SMAD3: variants seen among roughly 807,000 people sequenced by gnomAD.
SMAD3 encodes SMAD family member 3, also known as MAD homolog 3.
SMAD3 carries 12 observed loss-of-function variants against 51.8 expected under a neutral mutation model. The observed-to-expected ratio is 0.23, with a 90% CI of 0.15 to 0.38. SMAD3 has a LOEUF of 0.38. SMAD3 is among the 10% of genes least tolerant of loss of function. SMAD3 has a pLI of 1.00. For synonymous variants in SMAD3, 238 were observed against 227.7 expected, an observed-to-expected ratio of 1.05 and a Z score of -0.41; for missense variants, 294 against 565.6, an observed-to-expected ratio of 0.52 and a Z score of 4.87.
At chr15:67,125,070 C>T (rs1328571994) in intron 1 of SMAD3, among the ~76,000 whole-genome samples, 4 of 152,164 alleles carry the variant, frequency 2.6e-5, no homozygotes, top group Non-Finnish European at 4.4e-5. Flanking sequence ...CTGGGTGGGT[C>T]GGGGAAAGGG....
intron 1 of SMAD3, among the ~76,000 whole-genome samples, chr15:67,106,861 C>A (rs139903733): frequency 2.0e-5 from 3 of 152,262 alleles, no homozygotes; most frequent in Non-Finnish European, 4.4e-5. Context: ...CTAATTCACA[C>A]GAAGGTGTTA....
intron 1 of SMAD3, among the ~76,000 whole-genome samples, chr15:67,139,563 C>T (rs773942677): frequency 1.3e-5 from 2 of 152,114 alleles, no homozygotes; most frequent in African/African-American, 2.4e-5. Context: ...CCTGGTGGGT[C>T]CTGGGCTGAC....
chr15:67,148,918 G>T (rs7167532), intron 1 of SMAD3, among the ~76,000 whole-genome samples: 38,825 of 152,142 alleles, frequency 0.26, 5,118 homozygotes, highest in East Asian at 0.41. Flanking sequence ...GTTAAGCTAG[G>T]TTTCCTTTCC....
chr15:67,156,652 C>A (rs1379959790), intron 1 of SMAD3, among the ~76,000 whole-genome samples: 3 of 152,168 alleles, frequency 2.0e-5, no homozygotes, highest in Admixed American at 2.0e-4. Context: ...CGTAACAAAG[C>A]ACTCTAAAAA....
intron 1 of SMAD3, among the ~76,000 whole-genome samples, chr15:67,085,773 A>C (rs923064499): frequency 1.3e-5 from 2 of 152,078 alleles, no homozygotes; most frequent in Non-Finnish European, 2.9e-5. Context: ...CGGGATTGAG[A>C]ATCACAGCCA....
At chr15:67,170,766 C>A in intron 5 of SMAD3, 162 bp downstream of exon 5, 1 of 624,018 alleles carries the variant, frequency 1.6e-6, no homozygotes, top group Non-Finnish European at 2.8e-6. Context: ...TTGAGGTCAC[C>A]ACGGAATGGG....
At chr15:67,180,243 C>T (rs563599314) in intron 5 of SMAD3, among the ~76,000 whole-genome samples, 320 of 151,968 alleles carry the variant, frequency 2.1e-3, no homozygotes, top group Non-Finnish European at 3.6e-3. Context: ...TCCGAGGGCC[C>T]GGCCAAGGGC....
chr15:67,091,576 A>T (rs930963710), intron 1 of SMAD3, among the ~76,000 whole-genome samples: 1 of 152,206 alleles, frequency 6.6e-6, no homozygotes, highest in Non-Finnish European at 1.5e-5. Context: ...ATTCATTGTC[A>T]TGGATTCATA....
intron 3 of SMAD3, 141 bp from the exon 4 acceptor site, chr15:67,166,638 G>A: frequency 1.4e-6 from 1 of 711,276 alleles, no homozygotes; most frequent in Non-Finnish European, 2.6e-6. Context: ...ACCAAGAGCT[G>A]GAACCTCTAC....
intron 1 of SMAD3, among the ~76,000 whole-genome samples, chr15:67,154,448 G>A (rs1313903074): frequency 6.6e-6 from 1 of 152,138 alleles, no homozygotes; most frequent in Non-Finnish European, 1.5e-5. Context: ...AACTTGTTGG[G>A]AACACTCAGG....
chr15:67,130,318 T>C (rs886887074), intron 1 of SMAD3, among the ~76,000 whole-genome samples: 3 of 152,052 alleles, frequency 2.0e-5, no homozygotes, highest in African/African-American at 7.3e-5. Context: ...CTGACCTCCT[T>C]CTCTTACACC....
chr15:67,162,688 G>A (rs1299053721), intron 1 of SMAD3, among the ~76,000 whole-genome samples: 1 of 151,900 alleles, frequency 6.6e-6, no homozygotes, highest in Non-Finnish European at 1.5e-5. Flanking sequence ...CCTTCATTCT[G>A]TTCTTCCGAC....
intron 1 of SMAD3, among the ~76,000 whole-genome samples, chr15:67,101,160 C>T (rs1009454534): frequency 1.3e-5 from 2 of 152,116 alleles, no homozygotes; most frequent in African/African-American, 4.8e-5. Context: ...GGGCAGTTAG[C>T]GAAAGGGACT....
chr15:67,165,151 C>G (rs56204991), intron 2 of SMAD3, 63 bp downstream of exon 2: 2 of 1,599,946 alleles, frequency 1.3e-6, no homozygotes, highest in Non-Finnish European at 1.7e-6. Flanking sequence ...CTCCCCGGCT[C>G]CCCATCCCCC....
intron 1 of SMAD3, chr15:67,098,936 G>A (rs1960684629): frequency 1.4e-6 from 1 of 702,462 alleles, no homozygotes. Context: ...AGCCCATGGA[G>A]ATGGGACAGT....
intron 7 of SMAD3, among the ~76,000 whole-genome samples, chr15:67,185,440 G>T (rs1046463507): frequency 7.2e-5 from 11 of 152,142 alleles, no homozygotes; most frequent in Non-Finnish European, 1.6e-4. Context: ...TTCTAGACAG[G>T]GGGAGCAGCC....
chr15:67,129,232 A>T (rs1961464460), intron 1 of SMAD3, among the ~76,000 whole-genome samples: 1 of 152,228 alleles, frequency 6.6e-6, no homozygotes, highest in African/African-American at 2.4e-5. Flanking sequence ...ATTTCAGTCT[A>T]CTTGGGGAAA....
At chr15:67,073,733 GGC>G (rs1308726223) in intron 1 of SMAD3, among the ~76,000 whole-genome samples, 2 of 152,212 alleles carry the variant, frequency 1.3e-5, no homozygotes, top group Non-Finnish European at 2.9e-5. Context: ...AAAGTGCAAT[GGC>G]GCGGTCTTGC....
At chr15:67,128,520 C>G (rs1961445375) in intron 1 of SMAD3, among the ~76,000 whole-genome samples, 1 of 151,990 alleles carries the variant, frequency 6.6e-6, no homozygotes, top group African/African-American at 2.4e-5. Flanking sequence ...TTTCGAAAAC[C>G]TTAAGATTTT....
Sources: gnomAD v4.1 joint callset for allele counts (sites outside exome capture counted in the v4.1 genomes callset) on GRCh38, gnomAD v4.1.1 for gene constraint, MANE v1.5 for transcripts, NCBI Gene and HGNC (gene_info 2026-07-23, HGNC 2026-07-21) for gene names.